Variants in RABGAP1L observed in about 807,000 individuals in gnomAD.
RABGAP1L encodes the protein rab GTPase-activating protein 1-like.
RABGAP1L carries 63 observed loss-of-function variants against 137.7 expected under a neutral mutation model. The observed-to-expected ratio is 0.46, with a 90% CI of 0.37 to 0.56. The LOEUF is 0.56. Ranked by LOEUF, RABGAP1L falls within the 20% of genes least tolerant of loss-of-function variation. The pLI, the probability that RABGAP1L is intolerant of heterozygous loss-of-function variation, is 0.00. For missense variants in RABGAP1L, 1,095 were observed against 1,244.0 expected, an observed-to-expected ratio of 0.88 and a Z score of 1.80; for synonymous variants, 431 against 433.7, an observed-to-expected ratio of 0.99 and a Z score of 0.08.
At chr1:174,791,694 A>G (rs1006831168) in intron 18 of RABGAP1L, among the ~76,000 whole-genome samples, 1 of 152,212 alleles carries the variant, frequency 6.6e-6, no homozygotes, top group Non-Finnish European at 1.5e-5. Flanking sequence ...GAACTGAGAT[A>G]GCATTCCATT....
At chr1:174,518,124 A>G (rs920809649) in intron 13 of RABGAP1L, among the ~76,000 whole-genome samples, 1 of 152,196 alleles carries the variant, frequency 6.6e-6, no homozygotes, top group Admixed American at 6.5e-5. Context: ...AAACCAGAAA[A>G]CAATGCCAGG....
chr1:174,989,924 A>T lies in RABGAP1L; in HGVS notation c.3079A>T (p.Asn1027Tyr). Residue 1027 changes from asparagine to tyrosine, a missense_variant, in exon 26 of 26, where the codon AAC becomes TAC. By Grantham distance (143) the Asn-to-Tyr change is moderately radical. Transcript: ENST00000681986. ...AKNSWFSKTL[N>Y]SIKTATGTQP... The stretch of plus-strand genomic sequence containing the variant: ...AAACTCTTGGTTTAGCAAAACCCTG[A>T]ACTCTATCAAAACGGCCACGGGCAC... 1 of 1,550,274 alleles carries T rather than the reference A, an allele frequency of 6.5e-7. No individual in the cohort carries two copies. Among genetic ancestry groups the T allele is most frequent in the Non-Finnish European group, 8.7e-7 (1 of 1,146,616 alleles).
At chr1:174,296,361 A>G (rs1677129872) in intron 10 of RABGAP1L, among the ~76,000 whole-genome samples, 1 of 152,106 alleles carries the variant, frequency 6.6e-6, no homozygotes, top group African/African-American at 2.4e-5. Flanking sequence ...AAGTATTAGG[A>G]TAGATTTTAC....
intron 5 of RABGAP1L, among the ~76,000 whole-genome samples, chr1:174,246,769 A>G (rs1024365124): frequency 2.6e-5 from 4 of 152,202 alleles, no homozygotes; most frequent in Admixed American, 6.5e-5. Flanking sequence ...ACAATTCCCC[A>G]TGGGTACCAA....
intron 17 of RABGAP1L, among the ~76,000 whole-genome samples, chr1:174,712,535 G>A (rs1680638811): frequency 6.6e-6 from 1 of 152,124 alleles, no homozygotes; most frequent in South Asian, 2.1e-4. Flanking sequence ...ATCTGAAGGA[G>A]CAAACTGTGG....
At chr1:174,530,843 G>A (rs1286700625) in intron 13 of RABGAP1L, among the ~76,000 whole-genome samples, 4 of 149,904 alleles carry the variant, frequency 2.7e-5, no homozygotes, top group African/African-American at 9.9e-5. Context: ...ACATACGTAC[G>A]TTTGTGTAGG....
intron 19 of RABGAP1L, among the ~76,000 whole-genome samples, chr1:174,890,252 A>G (rs1389617242): frequency 1.3e-5 from 2 of 152,172 alleles, no homozygotes; most frequent in African/African-American, 4.8e-5. Flanking sequence ...GCACTGTTAG[A>G]AATGTGTAGG....
intron 1 of RABGAP1L, among the ~76,000 whole-genome samples, chr1:174,171,033 G>C (rs979293885): frequency 1.3e-5 from 2 of 152,206 alleles, no homozygotes; most frequent in African/African-American, 4.8e-5. Context: ...CAAGGGATCT[G>C]TGAGTGAAAG....
intron 13 of RABGAP1L, among the ~76,000 whole-genome samples, chr1:174,400,988 G>T (rs1309402113): frequency 6.6e-6 from 1 of 152,052 alleles, no homozygotes; most frequent in Non-Finnish European, 1.5e-5. Context: ...TTAAAAAAGG[G>T]TGAAAATCTC....
At chr1:174,479,555 C>T (rs564373310) in intron 13 of RABGAP1L, among the ~76,000 whole-genome samples, 24 of 152,188 alleles carry the variant, frequency 1.6e-4, no homozygotes, top group Non-Finnish European at 3.4e-4. Context: ...TCTGGAATGA[C>T]AGCTTGTTAA....
intron 12 of RABGAP1L, among the ~76,000 whole-genome samples, chr1:174,372,323 G>GT (rs1447820936): frequency 6.6e-6 from 1 of 152,080 alleles, no homozygotes; most frequent in African/African-American, 2.4e-5. Context: ...AGGCACAGGA[G>GT]TTTTTAGCAG....
At chr1:174,459,080 A>T (rs1328304574) in intron 13 of RABGAP1L, among the ~76,000 whole-genome samples, 1 of 152,130 alleles carries the variant, frequency 6.6e-6, no homozygotes, top group East Asian at 1.9e-4. Context: ...CTTAGCTAAG[A>T]TGTATTGCAG....
At chr1:174,951,749 A>C (rs1218142630) in intron 19 of RABGAP1L, among the ~76,000 whole-genome samples, 2 of 152,196 alleles carry the variant, frequency 1.3e-5, no homozygotes, top group African/African-American at 4.8e-5. Context: ...CTGACATTTA[A>C]TAGGTGAAAT....
intron 17 of RABGAP1L, among the ~76,000 whole-genome samples, chr1:174,736,745 G>C (rs1227440300): frequency 6.6e-6 from 1 of 152,206 alleles, no homozygotes; most frequent in Non-Finnish European, 1.5e-5. Flanking sequence ...CTTCATGCTT[G>C]CATTCTGTGT....
intron 13 of RABGAP1L, among the ~76,000 whole-genome samples, chr1:174,463,813 AAAT>A (rs919371824): frequency 3.4e-4 from 51 of 151,928 alleles, no homozygotes; most frequent in Non-Finnish European, 6.3e-4. Context: ...AAAGTAAAAA[AAAT>A]AATAATAATA....
At chr1:174,812,008 A>C (rs779389016) in intron 19 of RABGAP1L, 48 bp downstream of exon 19, 5 of 1,490,006 alleles carry the variant, frequency 3.4e-6, no homozygotes, top group Non-Finnish European at 3.6e-6. Context: ...TGAGTGCAGA[A>C]TAATATGACA....
chr1:174,485,496 A>C (rs1418645273), intron 13 of RABGAP1L, among the ~76,000 whole-genome samples: 1 of 152,032 alleles, frequency 6.6e-6, no homozygotes, highest in East Asian at 1.9e-4. Context: ...GGTTTTTATT[A>C]TGTTGAGGTA....
intron 1 of RABGAP1L, among the ~76,000 whole-genome samples, chr1:174,179,217 A>G (rs568772723): frequency 6.6e-6 from 1 of 152,224 alleles, no homozygotes; most frequent in East Asian, 1.9e-4. Context: ...TTGGCAACAA[A>G]TACTGTCAGT....
chr1:174,675,409 C>T (rs1280598814), intron 14 of RABGAP1L, among the ~76,000 whole-genome samples: 10 of 151,872 alleles, frequency 6.6e-5, no homozygotes, highest in East Asian at 5.8e-4. Context: ...AGATATGTGG[C>T]GTTATTTCTG....
Sources: gnomAD v4.1 joint callset for allele counts (sites outside exome capture counted in the v4.1 genomes callset) on GRCh38, gnomAD v4.1.1 for gene constraint, MANE v1.5 for transcripts, NCBI Gene and HGNC (gene_info 2026-07-23, HGNC 2026-07-21) for gene names.